Variants in DGKI observed in about 807,000 individuals in gnomAD.
DGKI encodes the protein diacylglycerol kinase iota.
In DGKI, 55 loss-of-function variants were observed where a neutral mutation model predicts 147.5. That is an observed-to-expected ratio of 0.37 (90% CI 0.30 to 0.47). The LOEUF (loss-of-function observed/expected upper bound fraction) is 0.47. Ranked by LOEUF, DGKI falls within the 20% of genes least tolerant of loss-of-function variation. The pLI is 1.00. For synonymous variants in DGKI, 469 were observed against 477.1 expected (o/e 0.98, Z 0.22); for missense variants, 1,007 against 1,323.8 (o/e 0.76, Z 3.71).
chr7:137,502,470 G>T (rs986175754), intron 21 of DGKI, among the ~76,000 whole-genome samples: 2 of 151,778 alleles, frequency 1.3e-5, no homozygotes, highest in African/African-American at 4.8e-5. Flanking sequence ...TACATGATAT[G>T]AAAAAGGAGG....
At chr7:137,454,650 T>C (rs1446186260) in intron 27 of DGKI, 1 of 152,164 alleles carries the variant, frequency 6.6e-6, no homozygotes, top group African/African-American at 2.4e-5. Context: ...GGCTTGCCTT[T>C]AGAAATCAGT....
At chr7:137,553,950 C>T (rs550941592) in intron 19 of DGKI, among the ~76,000 whole-genome samples, 1 of 152,176 alleles carries the variant, frequency 6.6e-6, no homozygotes, top group Non-Finnish European at 1.5e-5. Context: ...TCTAACCGGA[C>T]TGAAAATGGC....
intron 6 of DGKI, among the ~76,000 whole-genome samples, chr7:137,630,761 T>G (rs1369402403): frequency 6.6e-6 from 1 of 152,196 alleles, no homozygotes; most frequent in Non-Finnish European, 1.5e-5. Context: ...TAGTGCTATA[T>G]TCAATAAGGC....
intron 3 of DGKI, among the ~76,000 whole-genome samples, chr7:137,673,081 G>A (rs1211848664): frequency 2.7e-5 from 4 of 150,592 alleles, no homozygotes; most frequent in East Asian, 1.9e-4. Flanking sequence ...CGCGCCCAGC[G>A]TGTGTCTTCT....
chr7:137,782,206 GCCCTGGTCACTGGCTGC>G (rs1228389232), intron 1 of DGKI, among the ~76,000 whole-genome samples: 3 of 152,156 alleles, frequency 2.0e-5, no homozygotes, highest in Non-Finnish European at 4.4e-5. Flanking sequence ...CAAGTTCTCA[GCCCTGGTCACTGGCTGC>G]CTGGAAATAG....
chr7:137,716,739 A>G (rs1331111191), intron 1 of DGKI, among the ~76,000 whole-genome samples: 4 of 152,180 alleles, frequency 2.6e-5, no homozygotes, highest in Non-Finnish European at 5.9e-5. Flanking sequence ...CTTCTGTCCG[A>G]ATTCCCCAAG....
chr7:137,790,109 T>G (rs1390502994), intron 1 of DGKI, among the ~76,000 whole-genome samples: 1 of 152,128 alleles, frequency 6.6e-6, no homozygotes, highest in African/African-American at 2.4e-5. Flanking sequence ...CATAAATGAA[T>G]AAGCATGGCT....
At chr7:137,678,447 C>G in intron 3 of DGKI, 110 bp downstream of exon 3, 1 of 1,006,050 alleles carries the variant, frequency 9.9e-7, no homozygotes, top group East Asian at 2.4e-5. Flanking sequence ...AGTTTTCCAT[C>G]TCACAAGGAC....
intron 32 of DGKI, among the ~76,000 whole-genome samples, chr7:137,394,072 T>C (rs1811460491): frequency 6.6e-6 from 1 of 152,098 alleles, no homozygotes; most frequent in Admixed American, 6.5e-5. Flanking sequence ...CAACTATATA[T>C]CAAGATTCTT....
chr7:137,396,651 C>T (rs1260155474), intron 31 of DGKI, among the ~76,000 whole-genome samples: 1 of 152,148 alleles, frequency 6.6e-6, no homozygotes, highest in African/African-American at 2.4e-5. Context: ...TTCTACTTCT[C>T]CTCCTTCCCA....
chr7:137,552,284 G>T, intron 20 of DGKI, 85 bp downstream of exon 20: 1 of 1,459,302 alleles, frequency 6.9e-7, no homozygotes, highest in Non-Finnish European at 9.5e-7. Flanking sequence ...TCCCAACACA[G>T]TGAGGTCCCC....
chr7:137,600,325 T>C (rs1386768182), intron 10 of DGKI, among the ~76,000 whole-genome samples: 2 of 151,772 alleles, frequency 1.3e-5, no homozygotes, highest in Non-Finnish European at 2.9e-5. Flanking sequence ...TATAGAAGAG[T>C]AGTTAAAATC....
At chr7:137,391,367 A>G (rs1383300984) in intron 32 of DGKI, 31 bp from the exon 33 acceptor site, 6 of 1,380,518 alleles carry the variant, frequency 4.3e-6, no homozygotes, top group Middle Eastern at 3.7e-4. Flanking sequence ...AAAAAAAAAG[A>G]GAGAGAGAGA....
At chr7:137,753,666 C>G (rs1361031322) in intron 1 of DGKI, among the ~76,000 whole-genome samples, 1 of 152,162 alleles carries the variant, frequency 6.6e-6, no homozygotes, top group African/African-American at 2.4e-5. Flanking sequence ...GACCATAATT[C>G]AATCTTTCTC....
At chr7:137,711,749 A>C (rs1434953664) in intron 1 of DGKI, among the ~76,000 whole-genome samples, 1 of 129,222 alleles carries the variant, frequency 7.7e-6, no homozygotes, top group Non-Finnish European at 1.5e-5. Flanking sequence ...GCTGGAGTGC[A>C]GTGGTGCAAT....
intron 1 of DGKI, among the ~76,000 whole-genome samples, chr7:137,761,720 C>G (rs1277251981): frequency 6.6e-6 from 1 of 152,158 alleles, no homozygotes; most frequent in Non-Finnish European, 1.5e-5. Flanking sequence ...TCTCACTAAG[C>G]AATCTGAGTT....
At chr7:137,755,176 A>C (rs893410216) in intron 1 of DGKI, among the ~76,000 whole-genome samples, 2 of 152,208 alleles carry the variant, frequency 1.3e-5, no homozygotes, top group Admixed American at 1.3e-4. Context: ...GACTCCAAAC[A>C]CAGGAGGCAT....
intron 1 of DGKI, among the ~76,000 whole-genome samples, chr7:137,836,448 C>T (rs796378554): frequency 5.9e-5 from 9 of 152,306 alleles, no homozygotes; most frequent in African/African-American, 2.2e-4. Context: ...AAAGACCAGA[C>T]TCTTCTAAGA....
At chr7:137,587,254 T>C (rs1819440605) in intron 12 of DGKI, 44 bp from the exon 13 acceptor site, 7 of 1,474,546 alleles carry the variant, frequency 4.7e-6, no homozygotes, top group Non-Finnish European at 6.4e-6. Flanking sequence ...GAAAGATAAA[T>C]AAGTTACAAA....
Sources: gnomAD v4.1 joint callset for allele counts (sites outside exome capture counted in the v4.1 genomes callset) on GRCh38, gnomAD v4.1.1 for gene constraint, MANE v1.5 for transcripts, NCBI Gene and HGNC (gene_info 2026-07-23, HGNC 2026-07-21) for gene names.